The following CLCN3 variants were observed in gnomAD, a reference collection of about 807,000 sequenced individuals.
CLCN3 encodes the protein H(+)/Cl(-) exchange transporter 3.
In CLCN3, 16 loss-of-function variants were observed where a neutral mutation model predicts 83.4. That is an observed-to-expected ratio of 0.19 (90% CI 0.13 to 0.29). CLCN3 has a LOEUF of 0.29. Among genes scored for constraint, CLCN3 ranks in the 10% least tolerant of loss-of-function variants. The pLI is 1.00. For synonymous variants in CLCN3, 322 were observed against 346.2 expected (o/e 0.93, Z 0.78); for missense variants, 544 against 1,006.0 (o/e 0.54, Z 6.21).
At chr4:169,633,170 G>GC (rs1374027141) in intron 1 of CLCN3, among the ~76,000 whole-genome samples, 1 of 151,820 alleles carries the variant, frequency 6.6e-6, no homozygotes, top group Non-Finnish European at 1.5e-5. Flanking sequence ...CTGCCACCAC[G>GC]CCCGGCTAAT....
chr4:169,682,192 T>C (rs1192692923), intron 3 of CLCN3, among the ~76,000 whole-genome samples: 1 of 152,218 alleles, frequency 6.6e-6, no homozygotes, highest in Non-Finnish European at 1.5e-5. Flanking sequence ...CTGATTTATG[T>C]GGATCTTTTA....
At chr4:169,637,470 AAGTG>A (rs1375232108) in intron 2 of CLCN3, among the ~76,000 whole-genome samples, 1 of 152,114 alleles carries the variant, frequency 6.6e-6, no homozygotes, top group African/African-American at 2.4e-5. Context: ...CTGGGCAACA[AAGTG>A]AGACTCTGTC....
intron 2 of CLCN3, among the ~76,000 whole-genome samples, chr4:169,645,732 AG>A (rs909296687): frequency 6.6e-6 from 1 of 152,146 alleles, no homozygotes; most frequent in Non-Finnish European, 1.5e-5. Flanking sequence ...TCCAATACCA[AG>A]TAGTGCTAAA....
At chr4:169,645,021 T>C (rs765900398) in intron 2 of CLCN3, among the ~76,000 whole-genome samples, 3 of 152,236 alleles carry the variant, frequency 2.0e-5, no homozygotes, top group Non-Finnish European at 4.4e-5. Flanking sequence ...CTTAGACTTC[T>C]GGTCTCCAGA....
At chr4:169,719,574 C>T (rs1314059491) in intron 12 of CLCN3, among the ~76,000 whole-genome samples, 1 of 152,136 alleles carries the variant, frequency 6.6e-6, no homozygotes, top group African/African-American at 2.4e-5. Flanking sequence ...CAAATGGGAT[C>T]AGTATCATTT....
At chr4:169,659,858 TA>T (rs1364473223) in intron 2 of CLCN3, among the ~76,000 whole-genome samples, 1 of 152,156 alleles carries the variant, frequency 6.6e-6, no homozygotes. Context: ...CACACAAACT[TA>T]CTAGAGTGCT....
chr4:169,678,919 C>CT (rs1406768340), intron 2 of CLCN3, among the ~76,000 whole-genome samples: 4 of 152,274 alleles, frequency 2.6e-5, no homozygotes, highest in African/African-American at 9.6e-5. Context: ...TCTCAATGAG[C>CT]TGTTGGGTAC....
intron 10 of CLCN3, among the ~76,000 whole-genome samples, chr4:169,706,665 C>T (rs1733006002): frequency 6.6e-6 from 1 of 152,098 alleles, no homozygotes; most frequent in South Asian, 2.1e-4. Flanking sequence ...CTGTTATAAA[C>T]AAAGAAAATT....
intron 2 of CLCN3, among the ~76,000 whole-genome samples, chr4:169,673,525 G>A (rs531249173): frequency 2.0e-5 from 3 of 151,448 alleles, no homozygotes; most frequent in Non-Finnish European, 2.9e-5. Flanking sequence ...TGGGGCTAGC[G>A]ATGTATTATG....
intron 10 of CLCN3, among the ~76,000 whole-genome samples, chr4:169,704,649 T>A (rs1477367615): frequency 6.6e-6 from 1 of 152,194 alleles, no homozygotes; most frequent in Non-Finnish European, 1.5e-5. Context: ...CCATGCTCCA[T>A]CATCTAAGGT....
intron 11 of CLCN3, among the ~76,000 whole-genome samples, chr4:169,712,224 A>C (rs1363802970): frequency 6.6e-6 from 1 of 152,186 alleles, no homozygotes; most frequent in African/African-American, 2.4e-5. Flanking sequence ...ACTAACTCAA[A>C]GTAGAAACAT....
At chr4:169,686,888 C>T (rs1459305944) in intron 3 of CLCN3, among the ~76,000 whole-genome samples, 1 of 152,132 alleles carries the variant, frequency 6.6e-6, no homozygotes, top group Non-Finnish European at 1.5e-5. Context: ...CTCCTAACTT[C>T]CTACACTATA....
chr4:169,632,561 C>G (rs1267861537), intron 1 of CLCN3, among the ~76,000 whole-genome samples: 2 of 151,640 alleles, frequency 1.3e-5, no homozygotes, highest in South Asian at 4.2e-4. Flanking sequence ...ACTAAAAACA[C>G]AAAAAATTAG....
chr4:169,713,291 A>G lies in CLCN3; in HGVS notation c.2362A>G (p.Asn788Asp). 1 of 1,609,080 alleles carries G rather than the reference A, an allele frequency of 6.2e-7. No individual in the cohort carries two copies. The highest frequency in any genetic ancestry group is 1.1e-5 in the South Asian group (1 of 90,960). Residue 788 changes from asparagine (N) to aspartate (D), a missense_variant, in exon 12 of 13, where the codon AAT (asparagine) becomes GAT (aspartate). Transcript: ENST00000513761. ...LGLRQCLVTH[N>D]GRLLGIITKK... ...ACTGAGGCAGTGCCTTGTAACTCAC[A>G]ATGGGTAAGTCTGGTACCACAGGAA...
At chr4:169,627,454 T>C (rs1394399343) in intron 1 of CLCN3, among the ~76,000 whole-genome samples, 3 of 152,208 alleles carry the variant, frequency 2.0e-5, no homozygotes. Flanking sequence ...TCATACCATA[T>C]TGTTGTTACT....
intron 1 of CLCN3, 81 bp downstream of exon 1, chr4:169,621,144 T>C (rs1421801042): frequency 5.2e-6 from 2 of 382,990 alleles, no homozygotes; most frequent in African/African-American, 4.1e-5. Flanking sequence ...ACAGCGCTCA[T>C]CTTGGTTTCT....
At chr4:169,715,730 T>C (rs1733399518) in intron 12 of CLCN3, among the ~76,000 whole-genome samples, 1 of 152,124 alleles carries the variant, frequency 6.6e-6, no homozygotes, top group Admixed American at 6.5e-5. Flanking sequence ...CAATTAGCTA[T>C]TGGTTTTCTG....
At chr4:169,659,618 CAAG>C (rs1730982240) in intron 2 of CLCN3, among the ~76,000 whole-genome samples, 1 of 152,104 alleles carries the variant, frequency 6.6e-6, no homozygotes, top group South Asian at 2.1e-4. Context: ...AGAAAGGAAA[CAAG>C]AAGCCGCTGG....
At position 169,709,096 on chromosome 4, in the gene CLCN3, AATTAC is replaced by A. The variant is rs779414770; in HGVS notation, c.2149+1835_2149+1839del. Among the ~76,000 whole-genome samples the A allele has an allele frequency of 2.6e-4, 38 of 148,422 alleles. 1 individual carries two copies. The East Asian group carries it at 4.5e-3, about 17-fold the overall frequency. On this transcript the variant is annotated intron_variant, in intron 11 of 12. Coordinates refer to ENST00000513761, the MANE Select transcript of CLCN3 (RefSeq NM_001829.4). The stretch of plus-strand genomic sequence containing the variant: ...TAATTAATTATATAAATATTAACAT[AATTAC>A]ATTATATATATAGAAAACCTAGTGT...
Sources: gnomAD v4.1 joint callset for allele counts (sites outside exome capture counted in the v4.1 genomes callset) on GRCh38, gnomAD v4.1.1 for gene constraint, MANE v1.5 for transcripts, NCBI Gene and HGNC (gene_info 2026-07-23, HGNC 2026-07-21) for gene names.